DGKB: variants seen among roughly 807,000 people sequenced by gnomAD.
DGKB encodes the protein 90 kDa diacylglycerol kinase.
In DGKB, 67 loss-of-function variants were observed where a neutral mutation model predicts 114.3. That is an observed-to-expected ratio of 0.59 (90% confidence interval 0.48 to 0.72). The LOEUF (loss-of-function observed/expected upper bound fraction) is 0.72. Ranked by LOEUF, DGKB falls within the 30% of genes least tolerant of loss-of-function variation. The pLI is 0.00. For synonymous variants in DGKB, 398 were observed against 323.1 expected (o/e 1.23, Z -2.49); for missense variants, 907 against 975.2 (o/e 0.93, Z 0.93).
At chr7:14,436,579 C>G (rs1454744310) in intron 21 of DGKB, among the ~76,000 whole-genome samples, 2 of 152,132 alleles carry the variant, frequency 1.3e-5, no homozygotes, top group South Asian at 2.1e-4. Context: ...CTAGAAAAAG[C>G]AGATCAACAC....
intron 21 of DGKB, among the ~76,000 whole-genome samples, chr7:14,403,382 G>T (rs1239657201): frequency 6.6e-6 from 1 of 151,808 alleles, no homozygotes; most frequent in Non-Finnish European, 1.5e-5. Flanking sequence ...GTTTAGTTTG[G>T]CTTTGGCACA....
chr7:14,602,330 A>G (rs1231167229), intron 17 of DGKB, among the ~76,000 whole-genome samples: 2 of 152,180 alleles, frequency 1.3e-5, no homozygotes, highest in African/African-American at 4.8e-5. Context: ...AGACTTTGAG[A>G]CTATTGGGAT....
intron 23 of DGKB, among the ~76,000 whole-genome samples, chr7:14,275,681 T>C (rs1798890579): frequency 2.0e-5 from 3 of 152,178 alleles, no homozygotes; most frequent in Admixed American, 1.3e-4. Context: ...ATACTGTCTT[T>C]AAACAAATCA....
intron 23 of DGKB, among the ~76,000 whole-genome samples, chr7:14,286,666 G>A (rs568049100): frequency 6.6e-6 from 1 of 152,176 alleles, no homozygotes; most frequent in South Asian, 2.1e-4. Flanking sequence ...TAAAATACAT[G>A]TTTTTCAAGT....
intron 21 of DGKB, among the ~76,000 whole-genome samples, chr7:14,393,902 A>G (rs1034067239): frequency 6.6e-6 from 1 of 152,212 alleles, no homozygotes; most frequent in African/African-American, 2.4e-5. Flanking sequence ...GAGCCATGCA[A>G]CTAAGAACAA....
intron 23 of DGKB, among the ~76,000 whole-genome samples, chr7:14,272,679 A>G (rs1010097513): frequency 2.0e-5 from 3 of 152,098 alleles, no homozygotes; most frequent in African/African-American, 7.2e-5. Context: ...TTTCTCATAG[A>G]CCCATTAGTG....
chr7:14,831,514 T>A (rs562650127), intron 2 of DGKB, among the ~76,000 whole-genome samples: 2 of 152,136 alleles, frequency 1.3e-5, no homozygotes, highest in East Asian at 3.9e-4. Context: ...ATTCCCTAAA[T>A]TTGGGGATTT....
At chr7:14,615,498 T>A (rs1160839779) in intron 15 of DGKB, among the ~76,000 whole-genome samples, 1 of 151,786 alleles carries the variant, frequency 6.6e-6, no homozygotes, top group Non-Finnish European at 1.5e-5. Flanking sequence ...CTGGAATAGA[T>A]TATAGTCTGT....
chr7:14,972,118 G>C (rs983002979), intron 1 of DGKB, among the ~76,000 whole-genome samples: 1 of 151,956 alleles, frequency 6.6e-6, no homozygotes, highest in Non-Finnish European at 1.5e-5. Flanking sequence ...TTTACATTAG[G>C]TTCTAGTTGT....
chr7:14,312,998 C>T (rs112054886), intron 23 of DGKB, among the ~76,000 whole-genome samples: 4 of 152,076 alleles, frequency 2.6e-5, no homozygotes, highest in African/African-American at 9.7e-5. Context: ...TTAAAAATCA[C>T]TCATAGTTAA....
chr7:14,745,342 C>T (rs573130591), intron 4 of DGKB, among the ~76,000 whole-genome samples: 1 of 152,252 alleles, frequency 6.6e-6, no homozygotes, highest in East Asian at 1.9e-4. Flanking sequence ...AACAGTGCCC[C>T]CTAAGAGCAG....
At chr7:14,843,078 T>C (rs1848158069) in intron 1 of DGKB, among the ~76,000 whole-genome samples, 1 of 151,806 alleles carries the variant, frequency 6.6e-6, no homozygotes, top group African/African-American at 2.4e-5. Context: ...GTGGTGCACA[T>C]CTGTGGTCTC....
At chr7:14,674,023 A>T (rs1009727579) in intron 12 of DGKB, among the ~76,000 whole-genome samples, 2 of 152,162 alleles carry the variant, frequency 1.3e-5, no homozygotes, top group Non-Finnish European at 2.9e-5. Flanking sequence ...GCAGTTAATT[A>T]TCAACTAAGC....
Position 14,697,507 on chromosome 7 carries a change from A to G in DGKB, c.591+588T>C, listed in dbSNP as rs144673101. On this transcript the variant is annotated intron_variant, in intron 8 of 25. Coordinates refer to ENST00000402815, the MANE Select transcript of DGKB (RefSeq NM_001350709.2). ...ATTCAAAATAACTTCCACGAGGAAG[A>G]AAGCAAAAGTTACTGTTAACAGCTT... 6.8e-3 allele frequency among the ~76,000 whole-genome samples: 1,039 copies of G among 152,278 alleles called. 10 individuals are homozygous for G. The highest frequency in any genetic ancestry group is 0.023 in the African/African-American group (964 of 41,548).
intron 2 of DGKB, among the ~76,000 whole-genome samples, chr7:14,799,346 G>A (rs141350406): frequency 6.6e-6 from 1 of 152,294 alleles, no homozygotes; most frequent in African/African-American, 2.4e-5. Context: ...TTAGTTAACA[G>A]GGATCTTGAT....
At chr7:14,844,619 C>T (rs1167029425) in intron 1 of DGKB, among the ~76,000 whole-genome samples, 2 of 152,164 alleles carry the variant, frequency 1.3e-5, no homozygotes, top group East Asian at 1.9e-4. Context: ...AGCTTCTTAA[C>T]TCGCTCCCTG....
In DGKB at chr7:14,757,549, T is replaced by TATAC. The variant is rs796456127; in HGVS notation, c.147+102_147+105dup. The TATAC allele has an allele frequency of 5.0e-5, 32 of 635,040 alleles. No individual in the cohort carries two copies. In the African/African-American group the frequency reaches 7.1e-4, roughly 14 times the overall value. 39.3% of individuals were successfully genotyped at this position (635,040 alleles called of 1,614,324 possible). On this transcript the variant is annotated intron_variant, in intron 3 of 25. Coordinates refer to ENST00000402815, the MANE Select transcript of DGKB (RefSeq NM_001350709.2). Reference sequence around the variant, plus strand: ...TACATATATAATGTATATGTGTACATATACATACACACACACACACATACA... The same window carrying TATAC: ...TACATATATAATGTATATGTGTACATATACATACATACACACACACACACATACA...
intron 2 of DGKB, among the ~76,000 whole-genome samples, chr7:14,773,190 A>G (rs752264354): frequency 6.6e-6 from 1 of 152,200 alleles, no homozygotes; most frequent in Non-Finnish European, 1.5e-5. Flanking sequence ...ATTAGGTGTT[A>G]AATGATTAAA....
chr7:14,626,135 G>T (rs942768088), intron 14 of DGKB, among the ~76,000 whole-genome samples: 1 of 152,170 alleles, frequency 6.6e-6, no homozygotes, highest in African/African-American at 2.4e-5. Flanking sequence ...ATTCTCAGAG[G>T]TAGAGTATTT....
Sources: allele counts gnomAD v4.1 joint callset (sites outside exome capture counted in the v4.1 genomes callset), GRCh38; gene constraint gnomAD v4.1.1; transcripts MANE v1.5; gene names NCBI Gene and HGNC (gene_info 2026-07-23, HGNC 2026-07-21).